SPAG17: variants seen among roughly 807,000 people sequenced by gnomAD.
SPAG17 encodes the protein sperm-associated antigen 17.
SPAG17 carries 169 observed loss-of-function variants against 273.6 expected under a neutral mutation model. The ratio of observed to expected loss-of-function variants is 0.62; its 90% confidence interval spans 0.55 to 0.70. The LOEUF (loss-of-function observed/expected upper bound fraction) is 0.70, where lower values mean the gene tolerates loss of function less well. Ranked by LOEUF, SPAG17 falls within the 30% of genes least tolerant of loss-of-function variation. The pLI is 0.00. For synonymous variants in SPAG17, 825 were observed against 873.2 expected, an observed-to-expected ratio of 0.94 and a Z score of 0.97; for missense variants, 2,557 against 2,627.8, an observed-to-expected ratio of 0.97 and a Z score of 0.59.
intron 4 of SPAG17, among the ~76,000 whole-genome samples, chr1:118,107,222 T>C (rs1278793549): frequency 2.0e-5 from 3 of 152,118 alleles, no homozygotes; most frequent in African/African-American, 7.2e-5. Flanking sequence ...CTCTTGTCTG[T>C]CTTTGATGCT....
intron 1 of SPAG17, among the ~76,000 whole-genome samples, chr1:118,154,673 C>T (rs1659560990): frequency 6.6e-6 from 1 of 152,022 alleles, no homozygotes; most frequent in Admixed American, 6.6e-5. Flanking sequence ...CACCCCTCCA[C>T]CCATATCCTA....
intron 4 of SPAG17, among the ~76,000 whole-genome samples, chr1:118,114,684 G>A (rs1298801104): frequency 1.3e-5 from 2 of 152,174 alleles, no homozygotes; most frequent in African/African-American, 2.4e-5. Context: ...GCACATGGAT[G>A]TGAACCTGGT....
intron 10 of SPAG17, among the ~76,000 whole-genome samples, 188 bp downstream of exon 10, chr1:118,091,418 C>T (rs1655362884): frequency 6.6e-6 from 1 of 152,036 alleles, no homozygotes; most frequent in South Asian, 2.1e-4. Context: ...CAGAGCATAG[C>T]AAAAGAAAAG....
At position 117,990,904 on chromosome 1, in the gene SPAG17, A is replaced by G. The variant is rs1656997511; in HGVS notation, c.5478T>C (p.Ser1826=). 1 of 1,554,786 alleles carries G rather than the reference A, an allele frequency of 6.4e-7. No homozygotes were observed. Among genetic ancestry groups the G allele is most frequent in the Non-Finnish European group, 8.8e-7 (1 of 1,139,498 alleles). Reference sequence around the variant, plus strand: ...TTGTAGTTTCCTCCATTTTAGGGAAAGACTGAAATGAAGATAGAATTACTT... The same window carrying G: ...TTGTAGTTTCCTCCATTTTAGGGAAGGACTGAAATGAAGATAGAATTACTT... ...NAADLLKLVM[S]FPKMEETTKS... The change falls in exon 38 of 49, where the codon TCT becomes TCC. Residue 1826 remains serine, a splice_region_variant and synonymous_variant. Transcript: ENST00000336338.
chr1:118,044,247 GA>G (rs1650092802), intron 20 of SPAG17, among the ~76,000 whole-genome samples: 1 of 152,176 alleles, frequency 6.6e-6, no homozygotes, highest in Non-Finnish European at 1.5e-5. Flanking sequence ...TCCACTTTGG[GA>G]GGCCAAGGCG....
At chr1:117,994,644 A>G in intron 34 of SPAG17, 114 bp from the exon 35 acceptor site, 1 of 1,069,998 alleles carries the variant, frequency 9.3e-7, no homozygotes, top group Non-Finnish European at 1.3e-6. Flanking sequence ...GACATGAAAG[A>G]CTAATGAGAC....
chr1:117,986,243 G>C (rs943655593), intron 40 of SPAG17, among the ~76,000 whole-genome samples: 2 of 152,152 alleles, frequency 1.3e-5, no homozygotes, highest in African/African-American at 2.4e-5. Flanking sequence ...TTCACTCATC[G>C]ATCTACGGCA....
intron 1 of SPAG17, among the ~76,000 whole-genome samples, chr1:118,157,665 A>G (rs1219615253): frequency 6.6e-6 from 1 of 152,198 alleles, no homozygotes; most frequent in Non-Finnish European, 1.5e-5. Flanking sequence ...AGTAATTAGG[A>G]GCCTGGGTTC....
chr1:117,958,273 G>C (rs1652513002), intron 48 of SPAG17, among the ~76,000 whole-genome samples: 1 of 152,138 alleles, frequency 6.6e-6, no homozygotes. Flanking sequence ...AGAATAATAT[G>C]TTCTGTTGCC....
At chr1:118,065,701 AT>A (rs1652887530) in intron 18 of SPAG17, among the ~76,000 whole-genome samples, 1 of 152,144 alleles carries the variant, frequency 6.6e-6, no homozygotes, top group Non-Finnish European at 1.5e-5. Context: ...AAAGAAAAAA[AT>A]ATAAACACCT....
intron 48 of SPAG17, chr1:117,959,239 TA>T (rs1652675624): frequency 1.9e-6 from 3 of 1,580,712 alleles, no homozygotes; most frequent in African/African-American, 1.4e-5. Context: ...TACGCTGCTA[TA>T]ATGAATTGAA....
chr1:118,097,368 G>A (rs924915480), intron 7 of SPAG17, among the ~76,000 whole-genome samples: 1 of 152,142 alleles, frequency 6.6e-6, no homozygotes, highest in Non-Finnish European at 1.5e-5. Context: ...TCTAATTACT[G>A]TCTAGAACAT....
chr1:118,052,409 G>A (rs146340612), intron 20 of SPAG17, among the ~76,000 whole-genome samples: 1 of 151,534 alleles, frequency 6.6e-6, no homozygotes, highest in South Asian at 2.1e-4. Context: ...AAAGGGGATC[G>A]GGAAGATGTT....
At chr1:118,125,539 C>T (rs1657672100) in intron 3 of SPAG17, among the ~76,000 whole-genome samples, 1 of 152,030 alleles carries the variant, frequency 6.6e-6, no homozygotes, top group South Asian at 2.1e-4. Flanking sequence ...CTTTTTCCTC[C>T]CCTTCCCTGA....
chr1:118,175,909 G>A (rs1009931148), intron 1 of SPAG17, among the ~76,000 whole-genome samples: 55 of 152,166 alleles, frequency 3.6e-4, no homozygotes, highest in African/African-American at 1.2e-3. Flanking sequence ...AACAATAATA[G>A]CTATAGCAAC....
At chr1:118,177,073 A>T (rs1195094216) in intron 1 of SPAG17, among the ~76,000 whole-genome samples, 1 of 152,212 alleles carries the variant, frequency 6.6e-6, no homozygotes, top group African/African-American at 2.4e-5. Context: ...AGTTTATTGG[A>T]ATACACTTGT....
In SPAG17 at chr1:118,012,342, T is replaced by G. The variant is rs1399871698; in HGVS notation, c.4318A>C (p.Ile1440Leu). 1.2e-6 allele frequency: 2 copies of G among 1,613,670 alleles called. No homozygotes were observed. The highest frequency in any genetic ancestry group is 3.3e-5 in the Admixed American group (2 of 59,976). Reference protein sequence around the residue: ...VMTTREDKVVIVERKDGTRIV... With the variant: ...VMTTREDKVVLVERKDGTRIV... ...CGAGTACCATCTTTCCTTTCAACTA[T>G]GACAACTTTGTCTTCTCGAGTTGTC... The change falls in exon 30 of 49, where the codon ATA becomes CTA. Residue 1440 changes from isoleucine to leucine, a missense_variant. By Grantham distance (5) the Ile-to-Leu change is conservative (BLOSUM62 2). Coordinates refer to ENST00000336338, the MANE Select transcript of SPAG17 (RefSeq NM_206996.4).
At chr1:118,041,145 T>C (rs1649705555) in intron 21 of SPAG17, among the ~76,000 whole-genome samples, 1 of 152,146 alleles carries the variant, frequency 6.6e-6, no homozygotes, top group Non-Finnish European at 1.5e-5. Context: ...CATTCACTGG[T>C]TGTTAATTTT....
intron 42 of SPAG17, among the ~76,000 whole-genome samples, chr1:117,983,241 C>A (rs569546466): frequency 4.6e-5 from 7 of 152,132 alleles, no homozygotes; most frequent in Non-Finnish European, 8.8e-5. Flanking sequence ...TTCACTATCA[C>A]GAGAACAGCA....
Sources: gnomAD v4.1 joint callset for allele counts (sites outside exome capture counted in the v4.1 genomes callset) on GRCh38, gnomAD v4.1.1 for gene constraint, MANE v1.5 for transcripts, NCBI Gene and HGNC (gene_info 2026-07-23, HGNC 2026-07-21) for gene names.